DRC11: variants seen among roughly 807,000 people sequenced by gnomAD.
The protein encoded by DRC11 is IQ and AAA domain-containing protein 1.
chr2:236,441,982 T>A, the DRC11 span, among the ~76,000 whole-genome samples: 1 of 152,100 alleles, frequency 6.6e-6, no homozygotes, highest in Admixed American at 6.6e-5. Flanking sequence ...ACGCCTATAA[T>A]CCCAACACTT....
the DRC11 span, chr2:236,376,954 T>C: frequency 3.4e-6 from 2 of 596,780 alleles, no homozygotes; most frequent in African/African-American, 3.7e-5. The surrounding 1 kb of genome is among the most constrained non-coding windows in gnomAD (Gnocchi z 5.7). Flanking sequence ...TTTGAATCAA[T>C]TCAATCCAAC....
At chr2:236,307,011 T>C in the DRC11 span, among the ~76,000 whole-genome samples, 2 of 151,956 alleles carry the variant, frequency 1.3e-5, no homozygotes, top group African/African-American at 4.8e-5. The surrounding 1 kb of genome is among the most constrained non-coding windows in gnomAD (Gnocchi z 7.0). Flanking sequence ...AGGGAAACAT[T>C]AGGAGGGATG....
chr2:236,458,833 G>A, the DRC11 span, among the ~76,000 whole-genome samples: 1 of 152,114 alleles, frequency 6.6e-6, no homozygotes, highest in African/African-American at 2.4e-5. Context: ...ATTACCTGAG[G>A]TCAGGAGTTT....
the DRC11 span, among the ~76,000 whole-genome samples, chr2:236,409,236 C>A: frequency 1.3e-5 from 2 of 152,198 alleles, no homozygotes; most frequent in Non-Finnish European, 2.9e-5. Flanking sequence ...GCCTGAGTAG[C>A]TGGGACCACA....
the DRC11 span, among the ~76,000 whole-genome samples, chr2:236,333,595 C>T: frequency 6.6e-5 from 10 of 152,260 alleles, no homozygotes; most frequent in South Asian, 1.2e-3. The surrounding 1 kb of genome is among the most constrained non-coding windows in gnomAD (Gnocchi z 6.0). Flanking sequence ...TTCATGCTTG[C>T]GGACTTGGTT....
chr2:236,385,317 T>G, the DRC11 span, among the ~76,000 whole-genome samples: 6 of 146,866 alleles, frequency 4.1e-5, no homozygotes, highest in Admixed American at 4.1e-4. Context: ...TCCATTTGTT[T>G]GTATCCTCTT....
the DRC11 span, among the ~76,000 whole-genome samples, chr2:236,328,866 G>A: frequency 3.9e-4 from 60 of 152,260 alleles, 3 homozygotes; most frequent in Admixed American, 3.9e-4. This position sits in a 1 kb window ranked among gnomAD's most constrained non-coding sequence, Gnocchi z 6.7. Context: ...GCAAATTTCC[G>A]GAAACATGGT....
At chr2:236,459,397 T>C in the DRC11 span, among the ~76,000 whole-genome samples, 2 of 151,674 alleles carry the variant, frequency 1.3e-5, no homozygotes, top group Admixed American at 6.6e-5. Context: ...ATAGTTCTCC[T>C]TGGATGAATA....
the DRC11 span, among the ~76,000 whole-genome samples, chr2:236,401,727 A>G: frequency 4.6e-5 from 7 of 150,756 alleles, no homozygotes; most frequent in Non-Finnish European, 1.0e-4. The surrounding 1 kb of genome is among the most constrained non-coding windows in gnomAD (Gnocchi z 4.6). Flanking sequence ...CAGGGACAGA[A>G]AGCAGATCAG....
the DRC11 span, among the ~76,000 whole-genome samples, chr2:236,386,347 A>G: frequency 1.3e-5 from 2 of 151,934 alleles, no homozygotes; most frequent in African/African-American, 4.8e-5. Context: ...AGCTCCTGTT[A>G]TTGGTCTATT....
the DRC11 span, chr2:236,392,007 C>T: frequency 7.6e-4 from 1,221 of 1,613,928 alleles, 17 homozygotes; most frequent in East Asian, 0.019. The surrounding 1 kb of genome is among the most constrained non-coding windows in gnomAD (Gnocchi z 5.1). Flanking sequence ...TTTCACTGGG[C>T]GCTCCCTTTC....
At chr2:236,471,166 T>C in the DRC11 span, among the ~76,000 whole-genome samples, 2 of 152,216 alleles carry the variant, frequency 1.3e-5, no homozygotes, top group African/African-American at 4.8e-5. This position sits in a 1 kb window ranked among gnomAD's most constrained non-coding sequence, Gnocchi z 4.6. Flanking sequence ...GTCAAGGAAC[T>C]TGTCCAGGGT....
chr2:236,451,844 G>GT, the DRC11 span, among the ~76,000 whole-genome samples: 1 of 152,184 alleles, frequency 6.6e-6, no homozygotes, highest in Non-Finnish European at 1.5e-5. Context: ...GCAAATCATC[G>GT]TATCACAGTG....
At chr2:236,505,208 C>T in the DRC11 span, among the ~76,000 whole-genome samples, 1 of 152,192 alleles carries the variant, frequency 6.6e-6, no homozygotes, top group East Asian at 1.9e-4. Context: ...AAAGACCAGA[C>T]TGTTATTTCT....
At chr2:236,318,507 ATG>A in the DRC11 span, among the ~76,000 whole-genome samples, 2 of 151,772 alleles carry the variant, frequency 1.3e-5, no homozygotes, top group African/African-American at 2.4e-5. The surrounding 1 kb of genome is among the most constrained non-coding windows in gnomAD (Gnocchi z 7.0). Context: ...GTATCTGTGT[ATG>A]TGTGTTTTTG....
chr2:236,352,780 A>T, the DRC11 span, among the ~76,000 whole-genome samples: 2 of 152,198 alleles, frequency 1.3e-5, no homozygotes, highest in African/African-American at 4.8e-5. This position sits in a 1 kb window ranked among gnomAD's most constrained non-coding sequence, Gnocchi z 7.0. Flanking sequence ...AAGCACCAGC[A>T]TTACGGTTCT....
chr2:236,405,130 C>T, the DRC11 span, among the ~76,000 whole-genome samples: 41 of 152,254 alleles, frequency 2.7e-4, no homozygotes, highest in Non-Finnish European at 5.4e-4. This position sits in a 1 kb window ranked among gnomAD's most constrained non-coding sequence, Gnocchi z 4.6. Context: ...AAATTCAGAC[C>T]ATGGCACCCA....
the DRC11 span, among the ~76,000 whole-genome samples, chr2:236,378,655 A>T: frequency 1.3e-5 from 2 of 151,486 alleles, no homozygotes; most frequent in South Asian, 2.1e-4. Flanking sequence ...AGCCTGGGCG[A>T]AACAGCGAGA....
At chr2:236,472,770 G>A in the DRC11 span, among the ~76,000 whole-genome samples, 2 of 152,280 alleles carry the variant, frequency 1.3e-5, no homozygotes, top group South Asian at 4.1e-4. The surrounding 1 kb of genome is among the most constrained non-coding windows in gnomAD (Gnocchi z 4.6). Context: ...AAGAAACTGA[G>A]GCTCACTGGT....
Sources: allele counts gnomAD v4.1 joint callset (sites outside exome capture counted in the v4.1 genomes callset), GRCh38; gene constraint gnomAD v4.1.1; non-coding constraint Gnocchi (gnomAD v3.1); transcripts MANE v1.5; gene names NCBI Gene and HGNC (gene_info 2026-07-23, HGNC 2026-07-21).